The following EML6 variants were observed in gnomAD, a reference collection of about 807,000 sequenced individuals.
EML6 encodes the protein echinoderm microtubule-associated protein-like 6.
EML6 carries 154 observed loss-of-function variants against 240.1 expected under a neutral mutation model. That is an observed-to-expected ratio of 0.64 (90% CI 0.56 to 0.73). The LOEUF is 0.73. EML6 is among the 30% of genes least tolerant of loss of function. The pLI is 0.00. For missense variants in EML6, 2,964 were observed against 2,474.6 expected, an observed-to-expected ratio of 1.20 and a Z score of -4.20; for synonymous variants, 1,148 against 899.0, an observed-to-expected ratio of 1.28 and a Z score of -4.95.
chr2:54,848,584 A>T (rs374508468), intron 9 of EML6, among the ~76,000 whole-genome samples: 1 of 144,354 alleles, frequency 6.9e-6, no homozygotes, highest in South Asian at 2.3e-4. Context: ...ATGACATTCT[A>T]GTACACCATA....
intron 21 of EML6, among the ~76,000 whole-genome samples, chr2:54,898,802 G>A (rs145474850): frequency 6.6e-6 from 1 of 152,214 alleles, no homozygotes; most frequent in African/African-American, 2.4e-5. Context: ...AGTTAATCTG[G>A]TCTGTTTTAT....
chr2:54,811,455 CACTCCATCCTCCATCTT>C (rs1431889360), intron 2 of EML6, among the ~76,000 whole-genome samples: 11 of 152,174 alleles, frequency 7.2e-5, no homozygotes, highest in African/African-American at 2.7e-4. Flanking sequence ...GGCAGCTGGT[CACTCCATCCTCCATCTT>C]TCTCCATCCT....
chr2:54,775,564 T>G (rs1030128202), intron 2 of EML6, among the ~76,000 whole-genome samples: 11 of 152,378 alleles, frequency 7.2e-5, no homozygotes, highest in African/African-American at 2.6e-4. Context: ...CCCTATTTTA[T>G]TTTATTCATA....
chr2:54,739,016 G>A (rs1183961849), intron 2 of EML6, among the ~76,000 whole-genome samples: 1 of 152,180 alleles, frequency 6.6e-6, no homozygotes, highest in Non-Finnish European at 1.5e-5. Flanking sequence ...GCCAAGGTGG[G>A]CAGATCACAT....
intron 4 of EML6, among the ~76,000 whole-genome samples, chr2:54,818,541 A>C (rs72917588): frequency 0.023 from 3,549 of 152,314 alleles, 154 homozygotes; most frequent in African/African-American, 0.076. Context: ...CCAGTTGCAG[A>C]GCAGAGCTCT....
intron 2 of EML6, among the ~76,000 whole-genome samples, chr2:54,727,823 C>T (rs891654861): frequency 6.6e-6 from 1 of 152,016 alleles, no homozygotes. Context: ...GCTGTTTTGC[C>T]AAGAATATTA....
At chr2:54,743,697 C>G (rs1683765201) in intron 2 of EML6, among the ~76,000 whole-genome samples, 1 of 152,096 alleles carries the variant, frequency 6.6e-6, no homozygotes, top group Non-Finnish European at 1.5e-5. Flanking sequence ...GTATACCTCT[C>G]TTGGTAAAAT....
chr2:54,959,809 A>G (rs936604926), intron 34 of EML6, among the ~76,000 whole-genome samples: 32 of 152,196 alleles, frequency 2.1e-4, no homozygotes, highest in African/African-American at 7.2e-4. Context: ...GTATTCTTGA[A>G]CAAACCACAG....
chr2:54,810,558 C>A (rs1035337924), intron 2 of EML6, among the ~76,000 whole-genome samples: 1 of 152,200 alleles, frequency 6.6e-6, no homozygotes, highest in Non-Finnish European at 1.5e-5. Context: ...GCTGTGATCA[C>A]AGCAAAATAG....
intron 6 of EML6, 63 bp downstream of exon 6, chr2:54,827,814 T>TC: frequency 8.7e-7 from 1 of 1,145,184 alleles, no homozygotes; most frequent in Non-Finnish European, 1.3e-6. Context: ...CACGAATCCC[T>TC]CCCTGTATGT....
chr2:54,840,648 C>T (rs1437803783), intron 7 of EML6, among the ~76,000 whole-genome samples: 2 of 152,146 alleles, frequency 1.3e-5, no homozygotes, highest in African/African-American at 4.8e-5. Context: ...TCTTTTATTT[C>T]TTGGCATCTC....
In EML6 at chr2:54,892,477, G is replaced by A. The variant is rs191399048; in HGVS notation, c.2563G>A (p.Gly855Arg). ...AGGTGGGGGCTTCACTTCTAAAAGA[G>A]GAACTTTTGGAAGCGTTGGAAAATT... is the stretch of plus-strand genomic sequence containing the variant. ...QAGGGFTSKR[G>R]TFGSVGKLET... The change falls in exon 19 of 42, where the codon GGA (glycine) becomes AGA (arginine). Residue 855 changes from glycine (G) to arginine (R), a missense_variant. Physicochemically the swap from Gly to Arg is moderately radical, Grantham distance 125. Transcript: ENST00000356458. The A allele has an allele frequency of 1.9e-4, 288 of 1,551,202 alleles. 3 individuals are homozygous for A. In the East Asian group the frequency reaches 5.8e-3, roughly 31 times the overall value.
At chr2:54,887,704 G>C (rs913492520) in intron 17 of EML6, among the ~76,000 whole-genome samples, 5 of 152,076 alleles carry the variant, frequency 3.3e-5, no homozygotes, top group African/African-American at 9.7e-5. Context: ...CCAGCTTTCT[G>C]TTTTTTCCAT....
At chr2:54,941,739 C>A (rs915120279) in intron 28 of EML6, among the ~76,000 whole-genome samples, 1 of 152,152 alleles carries the variant, frequency 6.6e-6, no homozygotes, top group African/African-American at 2.4e-5. Context: ...CCCAGCTCTC[C>A]CCATGGGAGA....
intron 2 of EML6, among the ~76,000 whole-genome samples, chr2:54,776,772 A>G (rs926654650): frequency 6.6e-6 from 1 of 151,638 alleles, no homozygotes; most frequent in African/African-American, 2.4e-5. Flanking sequence ...AACCTTGGAT[A>G]TTTTACAACA....
chr2:54,836,841 G>T (rs1669176593), intron 7 of EML6, among the ~76,000 whole-genome samples: 1 of 152,118 alleles, frequency 6.6e-6, no homozygotes, highest in Non-Finnish European at 1.5e-5. Flanking sequence ...TGAATCCCTG[G>T]GGAGATGCAT....
chr2:54,943,839 A>G (rs1675550157), intron 28 of EML6, among the ~76,000 whole-genome samples: 1 of 152,248 alleles, frequency 6.6e-6, no homozygotes, highest in Non-Finnish European at 1.5e-5. Context: ...AAAACTTTTC[A>G]GTAGGACTTC....
At chr2:54,855,541 G>C (rs900070914) in intron 11 of EML6, among the ~76,000 whole-genome samples, 4 of 146,900 alleles carry the variant, frequency 2.7e-5, no homozygotes, top group African/African-American at 1.0e-4. Context: ...ATATTACAGA[G>C]GGTGAGTAGT....
Position 54,790,827 on chromosome 2 carries a change from A to G in EML6, c.198-22405A>G, listed in dbSNP as rs1029802490. ...TGCAAGCTCCGCCTCCCAGGTTCAC[A>G]CCATTCTCCTGCCTCAGCCTCCCGA... is the stretch of plus-strand genomic sequence containing the variant. On this transcript the variant is annotated intron_variant, in intron 2 of 41. Transcript: ENST00000356458. Among the ~76,000 whole-genome samples the G allele has an allele frequency of 1.8e-3, 272 of 147,810 alleles. 3 individuals are homozygous for G. Among genetic ancestry groups the G allele is most frequent in the African/African-American group, 6.5e-3 (258 of 39,902 alleles).
Sources: gnomAD v4.1 joint callset for allele counts (sites outside exome capture counted in the v4.1 genomes callset) on GRCh38, gnomAD v4.1.1 for gene constraint, MANE v1.5 for transcripts, NCBI Gene and HGNC (gene_info 2026-07-23, HGNC 2026-07-21) for gene names.